SPIDR: variants seen among roughly 807,000 people sequenced by gnomAD.
SPIDR encodes the protein DNA repair-scaffolding protein.
A neutral mutation model predicts 104.6 loss-of-function variants in SPIDR; 93 were observed. The observed-to-expected ratio is 0.89, with a 90% confidence interval of 0.75 to 1.06. The LOEUF is 1.06. Among genes scored for constraint, SPIDR ranks in the 50% least tolerant of loss-of-function variants. SPIDR has a pLI of 0.00. For synonymous variants in SPIDR, 431 were observed against 416.9 expected (o/e 1.03, Z -0.41); for missense variants, 1,154 against 1,111.2 (o/e 1.04, Z -0.55).
intron 5 of SPIDR, among the ~76,000 whole-genome samples, chr8:47,352,220 T>A (rs1228501216): frequency 7.3e-5 from 11 of 149,686 alleles, no homozygotes; most frequent in Non-Finnish European, 1.6e-4. Context: ...GAGGTCGCAG[T>A]GAGCCAAGAT....
At chr8:47,350,566 G>A (rs1050297658) in intron 5 of SPIDR, among the ~76,000 whole-genome samples, 3 of 151,332 alleles carry the variant, frequency 2.0e-5, no homozygotes, top group South Asian at 2.1e-4. Flanking sequence ...TGCCTGCCTC[G>A]GCCTCCCAAA....
chr8:47,594,926 G>A (rs1012921826), intron 8 of SPIDR, among the ~76,000 whole-genome samples: 3 of 152,082 alleles, frequency 2.0e-5, no homozygotes, highest in Non-Finnish European at 4.4e-5. Flanking sequence ...AATCCAGGAG[G>A]CAGAGGTTTC....
chr8:47,538,662 G>A (rs536555230), intron 8 of SPIDR, among the ~76,000 whole-genome samples: 10 of 152,082 alleles, frequency 6.6e-5, no homozygotes, highest in African/African-American at 1.9e-4. Flanking sequence ...TGAGTTTTCA[G>A]GTTTTGCCTC....
intron 16 of SPIDR, among the ~76,000 whole-genome samples, chr8:47,723,720 C>A (rs183447109): frequency 1.3e-5 from 2 of 152,282 alleles, no homozygotes; most frequent in Non-Finnish European, 1.5e-5. Flanking sequence ...TGAGCCACCA[C>A]GCCCAGCCCA....
At position 47,583,984 on chromosome 8, in the gene SPIDR, G is replaced by A. The variant is rs79191500; in HGVS notation, c.1098-11827G>A. Among the ~76,000 whole-genome samples, 37 of 152,304 alleles carry A rather than the reference G, an allele frequency of 2.4e-4. No individual in the cohort carries two copies. In the East Asian group the frequency reaches 4.6e-3, roughly 19 times the overall value. Reference sequence around the variant, plus strand: ...TTCCCAGTCCCCTGTCACCGTGTCCGCTGTGTCACAAGTGGTCATTAAAGG... The same window carrying A: ...TTCCCAGTCCCCTGTCACCGTGTCCACTGTGTCACAAGTGGTCATTAAAGG... On this transcript the variant is annotated intron_variant, in intron 8 of 19. Coordinates refer to ENST00000297423, the MANE Select transcript of SPIDR (RefSeq NM_001080394.4).
intron 11 of SPIDR, among the ~76,000 whole-genome samples, chr8:47,690,687 C>T (rs531929999): frequency 2.0e-5 from 3 of 152,146 alleles, no homozygotes; most frequent in South Asian, 2.1e-4. Flanking sequence ...GGCATGGTGG[C>T]ATGCGCCTGT....
At chr8:47,636,178 A>G (rs2067892392) in intron 10 of SPIDR, among the ~76,000 whole-genome samples, 1 of 152,178 alleles carries the variant, frequency 6.6e-6, no homozygotes, top group African/African-American at 2.4e-5. Context: ...ATTATCTGTT[A>G]TGATGATCTG....
chr8:47,326,167 G>A (rs782118701), intron 5 of SPIDR, among the ~76,000 whole-genome samples: 2 of 151,962 alleles, frequency 1.3e-5, no homozygotes, highest in African/African-American at 2.4e-5. Flanking sequence ...GCTCGTTTCT[G>A]TATTTATTTA....
intron 7 of SPIDR, among the ~76,000 whole-genome samples, chr8:47,431,188 G>C (rs1322245879): frequency 1.3e-5 from 2 of 152,180 alleles, no homozygotes; most frequent in Non-Finnish European, 2.9e-5. Context: ...CCTTTCCCGT[G>C]TGTGTGCATG....
intron 7 of SPIDR, among the ~76,000 whole-genome samples, chr8:47,425,303 G>A (rs1198393570): frequency 2.0e-5 from 3 of 152,092 alleles, no homozygotes. Flanking sequence ...AGTGTGCCAG[G>A]CTCCTTGCTG....
chr8:47,671,750 T>C (rs902138101), intron 10 of SPIDR, among the ~76,000 whole-genome samples: 2 of 152,210 alleles, frequency 1.3e-5, no homozygotes, highest in African/African-American at 2.4e-5. Flanking sequence ...CATTGCTCTT[T>C]AGAAGGTTGA....
At chr8:47,295,733 T>C (rs1048300547) in intron 5 of SPIDR, among the ~76,000 whole-genome samples, 5 of 152,342 alleles carry the variant, frequency 3.3e-5, no homozygotes, top group Middle Eastern at 3.4e-3. Flanking sequence ...ATCTTAGCTA[T>C]TGTGAATAGC....
chr8:47,303,878 T>G (rs973819353), intron 5 of SPIDR, among the ~76,000 whole-genome samples: 1 of 152,114 alleles, frequency 6.6e-6, no homozygotes, highest in Non-Finnish European at 1.5e-5. Context: ...GGTTTCACCG[T>G]ATTGGCCAGG....
chr8:47,692,249 G>A (rs2078755180), intron 11 of SPIDR, among the ~76,000 whole-genome samples: 1 of 152,060 alleles, frequency 6.6e-6, no homozygotes, highest in Non-Finnish European at 1.5e-5. Flanking sequence ...ACAAAGTTGT[G>A]CAACCAGCAC....
At position 47,578,309 on chromosome 8, in the gene SPIDR, A is replaced by G. The variant is rs912607196; in HGVS notation, c.1098-17502A>G. On this transcript the variant is annotated intron_variant, in intron 8 of 19. Transcript: ENST00000297423. The stretch of plus-strand genomic sequence containing the variant: ...AACACGGTGAAACCCTGTCTCTACT[A>G]AAAATACAAAAAATTAGCCGGGCAT... 3.3e-5 allele frequency among the ~76,000 whole-genome samples: 5 copies of G among 152,130 alleles called. No homozygotes were observed. In the East Asian group the frequency reaches 9.7e-4, roughly 29 times the overall value.
chr8:47,517,231 C>T (rs1357012976), intron 8 of SPIDR, among the ~76,000 whole-genome samples: 4 of 152,104 alleles, frequency 2.6e-5, no homozygotes, highest in Admixed American at 6.6e-5. Flanking sequence ...AGTGATCAAC[C>T]CGTCTCGACC....
chr8:47,569,403 T>C (rs2058263102), intron 8 of SPIDR, among the ~76,000 whole-genome samples: 1 of 152,190 alleles, frequency 6.6e-6, no homozygotes, highest in South Asian at 2.1e-4. Flanking sequence ...TGAACAACAC[T>C]GTAAAGCAAT....
chr8:47,713,173 A>C, intron 15 of SPIDR: 1 of 679,760 alleles, frequency 1.5e-6, no homozygotes, highest in Non-Finnish European at 2.3e-6. Flanking sequence ...GCGTATACTT[A>C]GATCAGCCAG....
chr8:47,284,022 C>G lies in SPIDR; in HGVS notation c.190-6C>G. The G allele has an allele frequency of 6.2e-7, 1 of 1,601,422 alleles. No homozygotes were observed. Among genetic ancestry groups the G allele is most frequent in the East Asian group, 2.2e-5 (1 of 44,704 alleles). ...ATAAATTCCATGATTATTATTTTGC[C>G]TACAGTCATTAACAGCTGAAGAGAA... On this transcript the variant is annotated splice_region_variant and splice_polypyrimidine_tract_variant and intron_variant, in intron 2 of 19. Coordinates refer to ENST00000297423, the MANE Select transcript of SPIDR (RefSeq NM_001080394.4).
Sources: allele counts gnomAD v4.1 joint callset (sites outside exome capture counted in the v4.1 genomes callset), GRCh38; gene constraint gnomAD v4.1.1; transcripts MANE v1.5; gene names NCBI Gene and HGNC (gene_info 2026-07-23, HGNC 2026-07-21).